Variants in PLXNA2 observed in about 807,000 individuals in gnomAD.
PLXNA2 encodes the protein plexin-A2.
Under a neutral mutation model 193.5 loss-of-function variants are expected in PLXNA2, and 91 were observed. The ratio of observed to expected loss-of-function variants is 0.47; its 90% CI spans 0.40 to 0.56. PLXNA2 has a LOEUF of 0.56. Among genes scored for constraint, PLXNA2 ranks in the 20% least tolerant of loss-of-function variants. PLXNA2 has a pLI of 0.00. For synonymous variants in PLXNA2, 997 were observed against 1,027.3 expected (o/e 0.97, Z 0.56); for missense variants, 1,995 against 2,503.2 (o/e 0.80, Z 4.33).
At chr1:208,158,203 G>A (rs371137194) in intron 3 of PLXNA2, among the ~76,000 whole-genome samples, 19 of 152,112 alleles carry the variant, frequency 1.2e-4, no homozygotes, top group African/African-American at 4.6e-4. Context: ...AGAAATGGTG[G>A]TCTCTAAACC....
chr1:208,050,949 G>T, intron 17 of PLXNA2, 60 bp downstream of exon 17: 1 of 1,280,782 alleles, frequency 7.8e-7, no homozygotes, highest in Non-Finnish European at 1.1e-6. Flanking sequence ...TCATCCCATT[G>T]CAAAACATCA....
At chr1:208,206,860 T>G (rs1359092861) in intron 3 of PLXNA2, among the ~76,000 whole-genome samples, 1 of 149,288 alleles carries the variant, frequency 6.7e-6, no homozygotes, top group East Asian at 2.0e-4. Flanking sequence ...ACCTCCCAGG[T>G]TCAAGCAATT....
At chr1:208,157,386 A>G (rs918253332) in intron 3 of PLXNA2, among the ~76,000 whole-genome samples, 3 of 152,250 alleles carry the variant, frequency 2.0e-5, no homozygotes, top group African/African-American at 7.2e-5. Flanking sequence ...TGAGATATGA[A>G]TACACACAAA....
intron 2 of PLXNA2, among the ~76,000 whole-genome samples, chr1:208,211,537 CA>C (rs1209082884): frequency 6.6e-6 from 1 of 151,836 alleles, no homozygotes. Flanking sequence ...ACTAAAAATA[CA>C]AAAAATTAGC....
intron 3 of PLXNA2, among the ~76,000 whole-genome samples, chr1:208,197,653 G>A (rs549283298): frequency 1.3e-5 from 2 of 152,272 alleles, no homozygotes; most frequent in South Asian, 4.2e-4. Context: ...TTTCAAATAA[G>A]CTTAGGGTAT....
chr1:208,074,630 A>G (rs966696436), intron 12 of PLXNA2, among the ~76,000 whole-genome samples: 3 of 152,208 alleles, frequency 2.0e-5, no homozygotes, highest in Non-Finnish European at 4.4e-5. Context: ...ACAGCTGTTT[A>G]TCTAACTATG....
At chr1:208,040,328 T>C in intron 22 of PLXNA2, 1 of 487,336 alleles carries the variant, frequency 2.1e-6, no homozygotes, top group Non-Finnish European at 3.7e-6. Flanking sequence ...GAACTTTGGC[T>C]GCATCTGAGA....
At chr1:208,074,940 T>C (rs1037521588) in intron 12 of PLXNA2, among the ~76,000 whole-genome samples, 1 of 152,218 alleles carries the variant, frequency 6.6e-6, no homozygotes. Context: ...ATGGGCCTCA[T>C]GGAAGTCCGA....
intron 4 of PLXNA2, among the ~76,000 whole-genome samples, chr1:208,141,251 C>T (rs767327685): frequency 2.6e-5 from 4 of 152,106 alleles, no homozygotes; most frequent in Non-Finnish European, 4.4e-5. Flanking sequence ...CTCTTCCTTA[C>T]TTCTTCGCTC....
intron 22 of PLXNA2, 85 bp downstream of exon 22, chr1:208,042,013 G>T: frequency 7.0e-7 from 1 of 1,432,854 alleles, no homozygotes; most frequent in Non-Finnish European, 9.5e-7. Flanking sequence ...GCCTTCTCAT[G>T]CTGCTTGTGG....
intron 7 of PLXNA2, 49 bp downstream of exon 7, chr1:208,096,681 A>G: frequency 6.2e-7 from 1 of 1,602,086 alleles, no homozygotes; most frequent in Non-Finnish European, 8.5e-7. Flanking sequence ...CAGCTCCCTC[A>G]GTATAGAGAA....
Position 208,027,147 on chromosome 1 carries a change from C to G in PLXNA2, c.*96G>C. ...ATGGGGTCTCAGGGGACAGCAAGCT[C>G]TGGGGCCTGATCCCCATCACTTGTC... On this transcript the variant is annotated 3_prime_UTR_variant, in exon 32 of 32. Transcript: ENST00000367033. The G allele has an allele frequency of 8.8e-7, 1 of 1,132,534 alleles. No individual in the cohort carries two copies. Among genetic ancestry groups the G allele is most frequent in the Non-Finnish European group, 1.3e-6 (1 of 761,930 alleles). 70.2% of individuals were successfully genotyped at this position (1,132,534 alleles called of 1,614,324 possible).
chr1:208,074,913 G>A (rs1449067121), intron 12 of PLXNA2, among the ~76,000 whole-genome samples: 1 of 152,186 alleles, frequency 6.6e-6, no homozygotes, highest in Non-Finnish European at 1.5e-5. Flanking sequence ...GGGACAAGGA[G>A]GTCTGCATCA....
rs1056844531 is a variant in PLXNA2, at chr1:208,025,721, C to T, written c.*1522G>A. 4.6e-5 allele frequency: 7 copies of T among 152,214 alleles called. No homozygotes were observed. The highest frequency in any genetic ancestry group is 1.7e-4 in the African/African-American group (7 of 41,434). The allele number at this position is 152,214 out of a possible 1,614,324, so 9.4% of individuals were successfully genotyped here. A position where few individuals can be genotyped will look rare whatever the true frequency, so the allele number is the denominator to read the frequency against. ...CACTGGCTTCTATGGGGCCTTTGGA[C>T]CTGGGCATGGAGCTTTGGTCTCTTT... On this transcript the variant is annotated 3_prime_UTR_variant, in exon 32 of 32. Transcript: ENST00000367033.
intron 13 of PLXNA2, among the ~76,000 whole-genome samples, chr1:208,055,001 G>A (rs1008789130): frequency 1.3e-5 from 2 of 152,194 alleles, no homozygotes; most frequent in Non-Finnish European, 2.9e-5. Flanking sequence ...CGATTCAGTT[G>A]TGGTTTGCTT....
intron 2 of PLXNA2, among the ~76,000 whole-genome samples, chr1:208,215,344 G>C (rs1041065646): frequency 6.6e-6 from 1 of 152,112 alleles, no homozygotes; most frequent in Non-Finnish European, 1.5e-5. Context: ...ACAGTGCCAG[G>C]CATTCAGAAG....
chr1:208,199,534 T>C (rs1670471143), intron 3 of PLXNA2, among the ~76,000 whole-genome samples: 1 of 151,858 alleles, frequency 6.6e-6, no homozygotes. Context: ...CTACTAAAAA[T>C]ACAAAAATTA....
intron 12 of PLXNA2, among the ~76,000 whole-genome samples, chr1:208,062,627 ACTC>A (rs1205522007): frequency 6.6e-6 from 1 of 151,976 alleles, no homozygotes; most frequent in African/African-American, 2.4e-5. Flanking sequence ...TATGGCTCTG[ACTC>A]CCTTGTCTGA....
chr1:208,157,400 T>C (rs1668970686), intron 3 of PLXNA2, among the ~76,000 whole-genome samples: 1 of 152,246 alleles, frequency 6.6e-6, no homozygotes, highest in Non-Finnish European at 1.5e-5. Context: ...ACACAAATAA[T>C]TATGCTCAGG....
Sources: gnomAD v4.1 joint callset for allele counts (sites outside exome capture counted in the v4.1 genomes callset) on GRCh38, gnomAD v4.1.1 for gene constraint, MANE v1.5 for transcripts, NCBI Gene and HGNC (gene_info 2026-07-23, HGNC 2026-07-21) for gene names.